Variants in MSRA observed in about 807,000 individuals in gnomAD.
The protein encoded by MSRA is mitochondrial peptide methionine sulfoxide reductase.
Under a neutral mutation model 31.3 loss-of-function variants are expected in MSRA, and 54 were observed. The observed-to-expected ratio is 1.73, with a 90% CI of 1.39 to 2.17. The LOEUF (loss-of-function observed/expected upper bound fraction) is 2.17, where lower values mean the gene tolerates loss of function less well. Among genes scored for constraint, MSRA ranks in the 30% most tolerant of loss-of-function variants. MSRA has a pLI of 0.00. For missense variants in MSRA, 507 were observed against 300.9 expected, an observed-to-expected ratio of 1.69 and a Z score of -5.07; for synonymous variants, 169 against 116.5, an observed-to-expected ratio of 1.45 and a Z score of -2.90.
intron 3 of MSRA, among the ~76,000 whole-genome samples, chr8:10,263,019 C>G (rs889922131): frequency 6.6e-6 from 1 of 152,220 alleles, no homozygotes. Flanking sequence ...GCCATCCACC[C>G]TCCCACATGG....
intron 4 of MSRA, among the ~76,000 whole-genome samples, chr8:10,316,944 C>T (rs1801762163): frequency 6.6e-6 from 1 of 152,152 alleles, no homozygotes; most frequent in Non-Finnish European, 1.5e-5. Flanking sequence ...GCTCTCCCAG[C>T]AATGCCAGCA....
At chr8:10,246,912 T>A (rs146521149) in intron 3 of MSRA, among the ~76,000 whole-genome samples, 1 of 152,208 alleles carries the variant, frequency 6.6e-6, no homozygotes, top group South Asian at 2.1e-4. Flanking sequence ...AGGTGTATCC[T>A]CTCAAGTCTT....
chr8:10,365,518 T>C (rs1211642049), intron 5 of MSRA, among the ~76,000 whole-genome samples: 3 of 152,198 alleles, frequency 2.0e-5, no homozygotes, highest in South Asian at 2.1e-4. Context: ...AAAAGAACGT[T>C]GTTGGGGGAA....
intron 5 of MSRA, among the ~76,000 whole-genome samples, chr8:10,416,323 G>C (rs1335342697): frequency 6.6e-6 from 1 of 152,206 alleles, no homozygotes; most frequent in Non-Finnish European, 1.5e-5. Context: ...AGAGAAATCT[G>C]CTCGCTTCGG....
chr8:10,177,608 A>G (rs1390014441), intron 1 of MSRA, among the ~76,000 whole-genome samples: 1 of 152,216 alleles, frequency 6.6e-6, no homozygotes, highest in Admixed American at 6.5e-5. Flanking sequence ...AATTGCATGT[A>G]GGTATTTGCT....
chr8:10,350,353 G>A (rs975064957), intron 5 of MSRA, among the ~76,000 whole-genome samples: 1 of 152,242 alleles, frequency 6.6e-6, no homozygotes, highest in Non-Finnish European at 1.5e-5. Context: ...GCTGCATGCA[G>A]CCAGCAGTTA....
At chr8:10,374,180 C>G (rs1160450100) in intron 5 of MSRA, among the ~76,000 whole-genome samples, 1 of 152,184 alleles carries the variant, frequency 6.6e-6, no homozygotes, top group African/African-American at 2.4e-5. Flanking sequence ...CGTTTGGTCC[C>G]AGAACACTTT....
At position 10,428,299 on chromosome 8, in the gene MSRA, G is replaced by T. The variant is rs774636640; in HGVS notation, c.695G>T (p.Gly232Val). The T allele has an allele frequency of 1.3e-5, 21 of 1,611,390 alleles. No homozygotes were observed. Among genetic ancestry groups the T allele is most frequent in the Non-Finnish European group, 1.8e-5 (21 of 1,179,502 alleles). Residue 232 changes from glycine (G) to valine (V), a missense_variant, in exon 6 of 6, where the codon GGT becomes GTT. By Grantham distance (109) the Gly-to-Val change is moderately radical. Transcript: ENST00000317173. ...LGGTGVSCPV[G>V]IKK ...GGCACCGGCGTGTCCTGCCCAGTGG[G>T]TATTAAAAAATAATTTCTCCCCACA...
At chr8:10,120,617 T>C (rs1405431681) in intron 1 of MSRA, among the ~76,000 whole-genome samples, 1 of 152,250 alleles carries the variant, frequency 6.6e-6, no homozygotes, top group Non-Finnish European at 1.5e-5. Flanking sequence ...GGAACTATGC[T>C]GGATGTGCTC....
intron 5 of MSRA, among the ~76,000 whole-genome samples, chr8:10,378,691 A>G (rs144782983): frequency 6.6e-6 from 1 of 152,322 alleles, no homozygotes; most frequent in African/African-American, 2.4e-5. Context: ...TGTGGTCCCC[A>G]TTGGCACCAC....
intron 3 of MSRA, among the ~76,000 whole-genome samples, chr8:10,289,466 T>G (rs1270737708): frequency 6.6e-6 from 1 of 152,134 alleles, no homozygotes; most frequent in Admixed American, 6.6e-5. Context: ...AATCACATCA[T>G]GGAGAATGGG....
intron 5 of MSRA, among the ~76,000 whole-genome samples, chr8:10,360,649 C>A (rs990047999): frequency 1.3e-5 from 2 of 152,222 alleles, no homozygotes; most frequent in African/African-American, 4.8e-5. Context: ...ACGAAACTGT[C>A]TAACTCTGGG....
At chr8:10,292,891 G>A (rs1331440378) in intron 3 of MSRA, among the ~76,000 whole-genome samples, 1 of 152,130 alleles carries the variant, frequency 6.6e-6, no homozygotes, top group African/African-American at 2.4e-5. Context: ...GGGAGGGTGG[G>A]GGAAACCAGG....
At chr8:10,168,396 A>G (rs1805324361) in intron 1 of MSRA, among the ~76,000 whole-genome samples, 1 of 152,132 alleles carries the variant, frequency 6.6e-6, no homozygotes, top group African/African-American at 2.4e-5. Context: ...CTCAGATGTC[A>G]CTGGGCATCT....
intron 1 of MSRA, among the ~76,000 whole-genome samples, chr8:10,170,219 C>T (rs919037044): frequency 3.3e-5 from 5 of 151,922 alleles, no homozygotes; most frequent in African/African-American, 1.2e-4. Context: ...CAATGCTTGT[C>T]TCCCTCCAAA....
chr8:10,100,980 G>C (rs1177409371), intron 1 of MSRA, among the ~76,000 whole-genome samples: 1 of 151,944 alleles, frequency 6.6e-6, no homozygotes, highest in African/African-American at 2.4e-5. Flanking sequence ...TTTCCTATTA[G>C]CCCTTCTAAG....
chr8:10,061,679 C>T (rs1034231483), intron 1 of MSRA, among the ~76,000 whole-genome samples: 2 of 152,012 alleles, frequency 1.3e-5, no homozygotes, highest in African/African-American at 2.4e-5. Flanking sequence ...AGAACAAAGA[C>T]CAGAAATGTC....
intron 5 of MSRA, among the ~76,000 whole-genome samples, chr8:10,359,230 T>G (rs1804697382): frequency 6.6e-6 from 1 of 152,212 alleles, no homozygotes; most frequent in South Asian, 2.1e-4. Context: ...TGATTGGATC[T>G]TCTTTGCCCA....
At chr8:10,209,070 C>T (rs1346948800) in intron 2 of MSRA, among the ~76,000 whole-genome samples, 1 of 152,190 alleles carries the variant, frequency 6.6e-6, no homozygotes, top group Non-Finnish European at 1.5e-5. Flanking sequence ...TGTAGGCTAT[C>T]ACCTTTTAAA....
Sources: gnomAD v4.1 joint callset for allele counts (sites outside exome capture counted in the v4.1 genomes callset) on GRCh38, gnomAD v4.1.1 for gene constraint, MANE v1.5 for transcripts, NCBI Gene and HGNC (gene_info 2026-07-23, HGNC 2026-07-21) for gene names.